Variants in CHSY1 observed in about 807,000 individuals in gnomAD.
CHSY1 encodes the protein N-acetylgalactosaminyl-proteoglycan 3-beta-glucuronosyltransferase 1.
A neutral mutation model predicts 59.8 loss-of-function variants in CHSY1; 13 were observed. The observed-to-expected ratio is 0.22, with a 90% CI of 0.14 to 0.35. The LOEUF is 0.35. Among genes scored for constraint, CHSY1 ranks in the 10% least tolerant of loss-of-function variants. The pLI is 1.00. For missense variants in CHSY1, 947 were observed against 1,030.6 expected, an observed-to-expected ratio of 0.92 and a Z score of 1.11; for synonymous variants, 459 against 401.2, an observed-to-expected ratio of 1.14 and a Z score of -1.72.
At chr15:101,222,994 T>C (rs2038805781) in intron 2 of CHSY1, among the ~76,000 whole-genome samples, 1 of 152,194 alleles carries the variant, frequency 6.6e-6, no homozygotes, top group South Asian at 2.1e-4. Context: ...TAACAAATAC[T>C]TTGTTAACTA....
chr15:101,248,817 T>C (rs148146331), intron 1 of CHSY1, among the ~76,000 whole-genome samples: 1,860 of 152,278 alleles, frequency 0.012, 34 homozygotes, highest in African/African-American at 0.042. Context: ...GACGGAGTCT[T>C]GCTCTGCCCC....
At position 101,177,292 on chromosome 15, in the gene CHSY1, A is replaced by G. The variant is rs2038203595; in HGVS notation, c.*96T>C. On this transcript the variant is annotated 3_prime_UTR_variant, in exon 3 of 3. Transcript: ENST00000254190. ...TATGTAAGAAAACCACTTGTAAAAT[A>G]TATCCTTGTATACGGACTTCAAAAA... 1 of 1,182,474 alleles carries G rather than the reference A, an allele frequency of 8.5e-7. No homozygotes were observed. The allele number at this position is 1,182,474 out of a possible 1,614,324, so 73.2% of individuals were successfully genotyped here.
At chr15:101,222,611 C>T (rs2038801011) in intron 2 of CHSY1, among the ~76,000 whole-genome samples, 1 of 152,234 alleles carries the variant, frequency 6.6e-6, no homozygotes. Flanking sequence ...TCTAGCCTGA[C>T]AGTTTCCCGG....
At chr15:101,206,893 T>A (rs187094075) in intron 2 of CHSY1, among the ~76,000 whole-genome samples, 1 of 152,238 alleles carries the variant, frequency 6.6e-6, no homozygotes, top group Non-Finnish European at 1.5e-5. Flanking sequence ...AGGACACCCA[T>A]GTTTATCTCA....
chr15:101,181,465 T>A (rs899227712), intron 2 of CHSY1, among the ~76,000 whole-genome samples: 11 of 152,254 alleles, frequency 7.2e-5, no homozygotes, highest in African/African-American at 2.7e-4. Flanking sequence ...CACATTAATT[T>A]GGCCTTACAA....
At chr15:101,219,521 G>T (rs115311434) in intron 2 of CHSY1, among the ~76,000 whole-genome samples, 3,124 of 152,178 alleles carry the variant, frequency 0.021, 109 homozygotes, top group African/African-American at 0.072. Flanking sequence ...ACAAGCAAAC[G>T]TCAAATTTCA....
At chr15:101,238,326 A>G (rs543353101) in intron 1 of CHSY1, among the ~76,000 whole-genome samples, 1 of 152,334 alleles carries the variant, frequency 6.6e-6, no homozygotes, top group Non-Finnish European at 1.5e-5. Flanking sequence ...AGAACTTACA[A>G]TGAAGCACTT....
chr15:101,205,394 G>C (rs182582942), intron 2 of CHSY1, among the ~76,000 whole-genome samples: 1 of 152,168 alleles, frequency 6.6e-6, no homozygotes, highest in African/African-American at 2.4e-5. Flanking sequence ...AAAAAGCCTG[G>C]TCTTTATATT....
intron 2 of CHSY1, among the ~76,000 whole-genome samples, chr15:101,206,587 C>T (rs982073126): frequency 5.3e-5 from 8 of 151,974 alleles, no homozygotes; most frequent in South Asian, 2.1e-4. Context: ...AGAAAATAAA[C>T]GAACACTCAT....
At chr15:101,245,261 C>T (rs1423072294) in intron 1 of CHSY1, among the ~76,000 whole-genome samples, 2 of 152,220 alleles carry the variant, frequency 1.3e-5, no homozygotes, top group African/African-American at 4.8e-5. Flanking sequence ...AAGAGCTGGC[C>T]TTTCCCATCG....
chr15:101,182,952 A>G lies in CHSY1; in HGVS notation c.817-3972T>C, dbSNP rs149686481. ...ACCCTTGGTGGAACAGAAACAACGCAGTGAACAGAAGAAAAACACAACAAC... is the reference window on the plus strand; with the variant it reads ...ACCCTTGGTGGAACAGAAACAACGCGGTGAACAGAAGAAAAACACAACAAC... On this transcript the variant is annotated intron_variant, in intron 2 of 2. Coordinates refer to ENST00000254190, the MANE Select transcript of CHSY1 (RefSeq NM_014918.5). Among the ~76,000 whole-genome samples, 397 of 152,350 alleles carry G rather than the reference A, an allele frequency of 2.6e-3. 1 individual carries two copies. The highest frequency in any genetic ancestry group is 4.3e-3 in the Non-Finnish European group (290 of 68,036).
intron 2 of CHSY1, among the ~76,000 whole-genome samples, chr15:101,181,102 G>C (rs1455886643): frequency 6.6e-6 from 1 of 152,204 alleles, no homozygotes; most frequent in Non-Finnish European, 1.5e-5. Flanking sequence ...CAGGGTCTGG[G>C]AAGCCATGCT....
Position 101,177,853 on chromosome 15 carries a change from T to C in CHSY1, c.1944A>G (p.Thr648=). 1.2e-6 allele frequency: 2 copies of C among 1,614,192 alleles called. No homozygotes were observed. The highest frequency in any genetic ancestry group is 1.1e-5 in the South Asian group (1 of 91,080). ...TEFLQRCRAN[T]VLGQQIYFPI... is the part of the protein sequence containing the mutation. ...GAAAATATATTTGTTGGCCCAGAAC[T>C]GTATTTGCTCGACATCGCTGAAGGA... Residue 648 remains threonine, a synonymous_variant, in exon 3 of 3, where the codon ACA becomes ACG. Transcript: ENST00000254190.
At chr15:101,230,433 C>CA (rs1297293656) in intron 2 of CHSY1, among the ~76,000 whole-genome samples, 9 of 152,140 alleles carry the variant, frequency 5.9e-5, no homozygotes, top group African/African-American at 2.2e-4. Flanking sequence ...AGAGAACATT[C>CA]AAAAACCTCT....
In CHSY1 at chr15:101,251,977, T is replaced by TG. The variant is rs1322619674; in HGVS notation, c.-522dup. On this transcript the variant is annotated 5_prime_UTR_variant, in exon 1 of 3. Coordinates refer to ENST00000254190, the MANE Select transcript of CHSY1 (RefSeq NM_014918.5). ...ACGTCACGCACGGCGCGTTATGAAG[T>TG]GGCCCCGCCGGCGGCGAGCCGTGGC... The TG allele has an allele frequency of 6.7e-6, 1 of 150,068 alleles. No individual in the cohort carries two copies. The highest frequency in any genetic ancestry group is 2.4e-5 in the African/African-American group (1 of 40,872). 9.3% of individuals were successfully genotyped at this position (150,068 alleles called of 1,614,324 possible).
intron 2 of CHSY1, among the ~76,000 whole-genome samples, chr15:101,211,190 G>A (rs1047510187): frequency 1.3e-5 from 2 of 152,122 alleles, no homozygotes; most frequent in African/African-American, 2.4e-5. Context: ...CGGGCGTGGT[G>A]GCAGGCACCT....
chr15:101,187,589 T>C (rs2038387306), intron 2 of CHSY1: 1 of 152,238 alleles, frequency 6.6e-6, no homozygotes, highest in African/African-American at 2.4e-5. Flanking sequence ...TAATCTATAA[T>C]TTGGCACATC....
chr15:101,202,813 T>A (rs2038587601), intron 2 of CHSY1, among the ~76,000 whole-genome samples: 2 of 152,172 alleles, frequency 1.3e-5, no homozygotes, highest in Admixed American at 6.5e-5. Flanking sequence ...AAATGAGGAC[T>A]AATAACTTAA....
chr15:101,237,960 T>C (rs1314007492), intron 1 of CHSY1, among the ~76,000 whole-genome samples: 1 of 152,178 alleles, frequency 6.6e-6, no homozygotes, highest in East Asian at 1.9e-4. Flanking sequence ...CCCCCACACA[T>C]CTTTAAGGGA....
Sources: gnomAD v4.1 joint callset for allele counts (sites outside exome capture counted in the v4.1 genomes callset) on GRCh38, gnomAD v4.1.1 for gene constraint, MANE v1.5 for transcripts, NCBI Gene and HGNC (gene_info 2026-07-23, HGNC 2026-07-21) for gene names.